ATP11C: variants seen among roughly 807,000 people sequenced by gnomAD.
ATP11C encodes the protein ATPase phospholipid transporting 11C (ATP11C blood group).
In ATP11C, 36 loss-of-function variants were observed where a neutral mutation model predicts 97.4. The ratio of observed to expected loss-of-function variants is 0.37; its 90% confidence interval spans 0.28 to 0.49. ATP11C has a LOEUF of 0.49. ATP11C is among the 20% of genes least tolerant of loss of function. The probability of loss-of-function intolerance (pLI) is 0.98; values close to 1 mark genes in which losing one functional copy is unlikely to be tolerated. For missense variants in ATP11C, 730 were observed against 824.6 expected (o/e 0.89, Z 1.40); for synonymous variants, 275 against 290.9 (o/e 0.95, Z 0.56).
intron 10 of ATP11C, among the ~76,000 whole-genome samples, chrX:139,797,536 C>T (rs1374565496): frequency 9.0e-6 from 1 of 111,413 alleles, no homozygotes; most frequent in Admixed American, 9.6e-5. Flanking sequence ...CACCAATGCT[C>T]CCCCAAGTGC....
intron 1 of ATP11C, among the ~76,000 whole-genome samples, chrX:139,860,654 C>G (rs1249667412): frequency 9.0e-6 from 1 of 111,023 alleles, no homozygotes; most frequent in African/African-American, 3.3e-5. Flanking sequence ...CCCATCTCTA[C>G]TAAAACTACA....
intron 28 of ATP11C, among the ~76,000 whole-genome samples, chrX:139,734,117 G>A (rs1443774591): frequency 9.0e-6 from 1 of 111,356 alleles, no homozygotes; most frequent in Non-Finnish European, 1.9e-5. Context: ...ACGACATTAG[G>A]ATTAAACTTT....
intron 1 of ATP11C, among the ~76,000 whole-genome samples, chrX:139,862,012 G>A: frequency 8.9e-6 from 1 of 111,925 alleles, no homozygotes; most frequent in East Asian, 2.8e-4. Context: ...GCTACACAGA[G>A]TAGCCAAGAA....
intron 1 of ATP11C, among the ~76,000 whole-genome samples, chrX:139,889,139 T>C (rs1304185344): frequency 4.5e-5 from 5 of 111,619 alleles, no homozygotes; most frequent in Non-Finnish European, 9.4e-5. Context: ...CCTTTATTCA[T>C]AACCACCAAA....
chrX:139,858,035 A>T (rs766323734), intron 1 of ATP11C, among the ~76,000 whole-genome samples: 12 of 112,373 alleles, frequency 1.1e-4, no homozygotes, highest in Admixed American at 2.8e-4. Flanking sequence ...TTGTTATAAA[A>T]ATTAATTTGG....
chrX:139,794,463 A>G (rs2082754040), intron 12 of ATP11C, among the ~76,000 whole-genome samples: 1 of 112,367 alleles, frequency 8.9e-6, no homozygotes, highest in East Asian at 2.8e-4. Flanking sequence ...CAAACTGATA[A>G]CAATGGCAAG....
intron 12 of ATP11C, among the ~76,000 whole-genome samples, chrX:139,793,128 C>T (rs2082728062): frequency 2.7e-5 from 3 of 111,744 alleles, no homozygotes; most frequent in African/African-American, 9.7e-5. Flanking sequence ...GTGAGAGAAA[C>T]TGCTCCCTCC....
intron 18 of ATP11C, 61 bp from the exon 19 acceptor site, chrX:139,775,014 G>A: frequency 4.6e-6 from 5 of 1,089,465 alleles, no homozygotes; most frequent in African/African-American, 1.8e-5. Flanking sequence ...TCTACAGGAA[G>A]GCTTATTAAA....
upstream of ATP11C, among the ~76,000 whole-genome samples, chrX:139,935,387 GA>G (rs1422273094): frequency 9.0e-6 from 1 of 111,326 alleles, no homozygotes; most frequent in Non-Finnish European, 1.9e-5. Flanking sequence ...GCAACATGGT[GA>G]AACCCTGTAT....
intron 28 of ATP11C, among the ~76,000 whole-genome samples, chrX:139,736,124 C>T (rs955980508): frequency 2.7e-4 from 30 of 111,139 alleles, no homozygotes; most frequent in Non-Finnish European, 4.7e-4. Flanking sequence ...TAAAAAAGGA[C>T]GCAGTCCCAG....
intron 7 of ATP11C, among the ~76,000 whole-genome samples, chrX:139,800,386 A>G (rs981596882): frequency 8.9e-5 from 10 of 112,338 alleles, no homozygotes; most frequent in Admixed American, 8.5e-4. Flanking sequence ...AACATCATGC[A>G]TGCACACAAC....
At chrX:139,828,771 G>A (rs2083584615) in intron 1 of ATP11C, among the ~76,000 whole-genome samples, 1 of 111,733 alleles carries the variant, frequency 8.9e-6, no homozygotes, top group African/African-American at 3.3e-5. Flanking sequence ...AGTAGGATAT[G>A]TCATGTGCTG....
At chrX:139,806,786 G>T (rs1410573047) in intron 5 of ATP11C, among the ~76,000 whole-genome samples, 1 of 111,340 alleles carries the variant, frequency 9.0e-6, no homozygotes, top group Non-Finnish European at 1.9e-5. Flanking sequence ...GAAGAAATAG[G>T]CACAAAAAAA....
chrX:139,805,252 G>A (rs1355102928), intron 5 of ATP11C, among the ~76,000 whole-genome samples: 1 of 111,640 alleles, frequency 9.0e-6, no homozygotes, highest in African/African-American at 3.3e-5. Flanking sequence ...CCTGAGAGAA[G>A]AAATCATGAA....
intron 15 of ATP11C, among the ~76,000 whole-genome samples, chrX:139,786,535 G>T (rs1308666897): frequency 3.6e-5 from 4 of 112,096 alleles, no homozygotes; most frequent in Non-Finnish European, 3.8e-5. Context: ...ACAGGTTTCT[G>T]AGATGGGTCT....
chrX:139,873,383 C>T lies in ATP11C; in HGVS notation c.28-46560G>A, dbSNP rs762973573. Among the ~76,000 whole-genome samples the T allele has an allele frequency of 2.7e-5, 3 of 111,558 alleles. No homozygotes were observed. The South Asian group carries it at 1.1e-3, about 42-fold the overall frequency. ...TGATGGTTGCACAATAGTGTGAATG[C>T]AGTTAATGCCACAGAACAGTACACT... On this transcript the variant is annotated intron_variant, in intron 1 of 29. Coordinates refer to ENST00000682941, the MANE Select transcript of ATP11C (RefSeq NM_001353812.2).
At chrX:139,754,603 A>G (rs1210490833) in intron 23 of ATP11C, among the ~76,000 whole-genome samples, 3 of 112,067 alleles carry the variant, frequency 2.7e-5, no homozygotes, top group African/African-American at 9.7e-5. Context: ...ATACTCAACA[A>G]AATACTAGCA....
At chrX:139,831,790 G>A (rs185377482) in intron 1 of ATP11C, among the ~76,000 whole-genome samples, 8 of 111,062 alleles carry the variant, frequency 7.2e-5, no homozygotes, top group Non-Finnish European at 1.1e-4. Context: ...TGTTCCTTTG[G>A]GGTCTCAGCA....
At chrX:139,738,479 A>G (rs1427468770) in intron 27 of ATP11C, among the ~76,000 whole-genome samples, 4 of 111,966 alleles carry the variant, frequency 3.6e-5, no homozygotes, top group Admixed American at 9.5e-5. Context: ...CAGAAATTCA[A>G]AAGACATTTT....
Sources: allele counts gnomAD v4.1 joint callset (sites outside exome capture counted in the v4.1 genomes callset), GRCh38; gene constraint gnomAD v4.1.1; transcripts MANE v1.5; gene names NCBI Gene and HGNC (gene_info 2026-07-23, HGNC 2026-07-21).